Variants in CCDC66 observed in about 807,000 individuals in gnomAD.
The protein encoded by CCDC66 is coiled-coil domain-containing protein 66.
CCDC66 carries 133 observed loss-of-function variants against 128.3 expected under a neutral mutation model. The observed-to-expected ratio is 1.04, with a 90% CI of 0.90 to 1.20. The LOEUF (loss-of-function observed/expected upper bound fraction) is 1.20, where lower values mean the gene tolerates loss of function less well. Among genes scored for constraint, CCDC66 ranks in the 50% most tolerant of loss-of-function variants. CCDC66 has a pLI of 0.00. For synonymous variants in CCDC66, 387 were observed against 357.0 expected, an observed-to-expected ratio of 1.08 and a Z score of -0.95; for missense variants, 1,126 against 1,075.5, an observed-to-expected ratio of 1.05 and a Z score of -0.66.
Position 56,584,769 on chromosome 3 carries a change from G to A in CCDC66, c.937-8201G>A, listed in dbSNP as rs542445229. 1.7e-4 allele frequency among the ~76,000 whole-genome samples: 26 copies of A among 152,028 alleles called. 1 individual carries two copies. In the East Asian group the frequency reaches 4.2e-3, roughly 24 times the overall value. ...TGGGAAGTGGAGGTTGTAGCTAGCC[G>A]AGATCACTCCACTGCACTCCAGCCT... On this transcript the variant is annotated intron_variant, in intron 7 of 17. Coordinates refer to ENST00000394672, the MANE Select transcript of CCDC66 (RefSeq NM_001141947.3).
chr3:56,596,859 A>G (rs945706427), intron 10 of CCDC66, among the ~76,000 whole-genome samples: 4 of 148,842 alleles, frequency 2.7e-5, no homozygotes, highest in Non-Finnish European at 5.9e-5. Context: ...GGTTCAAGCA[A>G]TTCTCCCTGC....
chr3:56,577,241 T>C (rs2067531166), intron 7 of CCDC66, among the ~76,000 whole-genome samples: 1 of 151,924 alleles, frequency 6.6e-6, no homozygotes, highest in Non-Finnish European at 1.5e-5. Context: ...TGTCTGTTCA[T>C]ATCCTTTGCC....
chr3:56,595,450 G>C (rs913196174), intron 10 of CCDC66, among the ~76,000 whole-genome samples: 1 of 151,982 alleles, frequency 6.6e-6, no homozygotes, highest in Admixed American at 6.6e-5. Flanking sequence ...TCTTTAGCTC[G>C]TTGAGACCTA....
chr3:56,606,143 G>A (rs1360724399), intron 10 of CCDC66, among the ~76,000 whole-genome samples: 3 of 152,048 alleles, frequency 2.0e-5, no homozygotes, highest in Non-Finnish European at 4.4e-5. Context: ...GAGAGTCCCA[G>A]GTCAACCTCA....
intron 10 of CCDC66, among the ~76,000 whole-genome samples, chr3:56,598,673 AT>A (rs1472813954): frequency 6.6e-6 from 1 of 152,044 alleles, no homozygotes; most frequent in Non-Finnish European, 1.5e-5. Flanking sequence ...TGAGATGATC[AT>A]ATGGTTTTTG....
chr3:56,613,573 G>T lies in CCDC66; in HGVS notation c.1405-16G>T, dbSNP rs2075130250. 6.2e-7 allele frequency: 1 copy of T among 1,603,570 alleles called. No homozygotes were observed. Among genetic ancestry groups the T allele is most frequent in the African/African-American group, 1.4e-5 (1 of 74,010 alleles). ...TTTTATTTTTGACAATGATTTACGT[G>T]ATTGCTTATGACTAGAAAGCCATCA... On this transcript the variant is annotated splice_polypyrimidine_tract_variant and intron_variant, in intron 10 of 17. Transcript: ENST00000394672.
chr3:56,572,781 C>G (rs1447601374), intron 7 of CCDC66: 3 of 152,754 alleles, frequency 2.0e-5, no homozygotes, highest in African/African-American at 7.2e-5. Context: ...GCTGACTTGC[C>G]TACATTGAAT....
intron 10 of CCDC66, among the ~76,000 whole-genome samples, chr3:56,606,223 C>A (rs1252697946): frequency 6.6e-6 from 1 of 152,058 alleles, no homozygotes; most frequent in Non-Finnish European, 1.5e-5. Flanking sequence ...GGGGATAGGA[C>A]CCTCCGAGCC....
chr3:56,597,777 G>GTTTTTTTTTGTTTGTTTGTTTGTTTTTTT, intron 10 of CCDC66, among the ~76,000 whole-genome samples: 1 of 87,964 alleles, frequency 1.1e-5, no homozygotes, highest in African/African-American at 4.2e-5. Context: ...TTGTTTTGGG[G>GTTTTTTTTTGTTTGTTTGTTTGTTTTTTT]TTTTTTTTTT....
At chr3:56,610,751 C>A (rs541701539) in intron 10 of CCDC66, among the ~76,000 whole-genome samples, 10 of 152,166 alleles carry the variant, frequency 6.6e-5, no homozygotes, top group African/African-American at 2.4e-4. Flanking sequence ...ATTTTTTTGT[C>A]CCACAGGGTG....
chr3:56,561,684 C>G (rs1004724599), intron 3 of CCDC66, among the ~76,000 whole-genome samples: 1 of 152,104 alleles, frequency 6.6e-6, no homozygotes, highest in Non-Finnish European at 1.5e-5. Flanking sequence ...CTTTTTTGCT[C>G]TTCACAGACT....
chr3:56,616,177 CAAAAT>C, intron 13 of CCDC66, 124 bp downstream of exon 13: 1 of 795,764 alleles, frequency 1.3e-6, no homozygotes, highest in Non-Finnish European at 2.0e-6. Context: ...GTAAGAGTTA[CAAAAT>C]AAAGGGATAA....
chr3:56,557,335 C>T (rs933248769), intron 1 of CCDC66, 82 bp downstream of exon 1: 3 of 1,513,690 alleles, frequency 2.0e-6, no homozygotes, highest in Non-Finnish European at 2.7e-6. Flanking sequence ...CTGGGTTGTC[C>T]CTTGGAGTCT....
At chr3:56,580,788 C>T (rs1247712084) in intron 7 of CCDC66, among the ~76,000 whole-genome samples, 1 of 151,924 alleles carries the variant, frequency 6.6e-6, no homozygotes, top group East Asian at 2.0e-4. Context: ...CACTGTTAGT[C>T]CGATGGGCTT....
intron 3 of CCDC66, chr3:56,561,488 C>G: frequency 3.1e-6 from 1 of 322,718 alleles, no homozygotes. Flanking sequence ...TTAAGAGTAA[C>G]TACTGTGTTC....
intron 10 of CCDC66, among the ~76,000 whole-genome samples, chr3:56,606,384 T>C (rs2107226713): frequency 6.6e-6 from 1 of 152,174 alleles, no homozygotes; most frequent in South Asian, 2.1e-4. Flanking sequence ...GTTTTGTGCT[T>C]GAAATCCAGG....
chr3:56,567,864 G>A (rs557662080), intron 6 of CCDC66, among the ~76,000 whole-genome samples: 1 of 152,000 alleles, frequency 6.6e-6, no homozygotes, highest in East Asian at 1.9e-4. Context: ...TAATTTTTTT[G>A]TATTTTTAGT....
Position 56,571,294 on chromosome 3 carries a change from C to A in CCDC66, c.928C>A (p.Gln310Lys). The A allele has an allele frequency of 1.3e-6, 2 of 1,517,248 alleles. No homozygotes were observed. The highest frequency in any genetic ancestry group is 1.9e-5 in the Admixed American group (1 of 52,312). The allele number at this position is 1,517,248 out of a possible 1,614,324, so 94.0% of individuals were successfully genotyped here. The change falls in exon 7 of 18, where the codon CAA (glutamine) becomes AAA (lysine). Residue 310 changes from glutamine to lysine, a missense_variant. Transcript: ENST00000394672. ...ATGGGAAAAACATCAAATTCTTGAC[C>A]AATCTAGGGTAAGACATCTTAATTG... ...IIWEKHQILD[Q>K]SRETVLLEHP...
intron 3 of CCDC66, 24 bp downstream of exon 3, chr3:56,559,618 A>C: frequency 6.6e-7 from 1 of 1,506,710 alleles, no homozygotes; most frequent in Non-Finnish European, 8.9e-7. Flanking sequence ...CTTTGACCTG[A>C]CCTGTTTTCA....
Sources: gnomAD v4.1 joint callset for allele counts (sites outside exome capture counted in the v4.1 genomes callset) on GRCh38, gnomAD v4.1.1 for gene constraint, MANE v1.5 for transcripts, NCBI Gene and HGNC (gene_info 2026-07-23, HGNC 2026-07-21) for gene names.